The following CFAP44 variants were observed in gnomAD, a reference collection of about 807,000 sequenced individuals.
CFAP44 encodes cilia- and flagella-associated protein 44.
CFAP44 carries 134 observed loss-of-function variants against 216.2 expected under a neutral mutation model. That is an observed-to-expected ratio of 0.62 (90% CI 0.54 to 0.72). CFAP44 has a LOEUF of 0.72. Among genes scored for constraint, CFAP44 ranks in the 30% least tolerant of loss-of-function variants. CFAP44 has a pLI of 0.00. For missense variants in CFAP44, 2,035 were observed against 2,182.1 expected (o/e 0.93, Z 1.34); for synonymous variants, 700 against 727.6 (o/e 0.96, Z 0.61).
At chr3:113,391,279 T>TG (rs1307515596) in intron 15 of CFAP44, among the ~76,000 whole-genome samples, 6 of 152,196 alleles carry the variant, frequency 3.9e-5, no homozygotes, top group African/African-American at 7.2e-5. Context: ...TTGGAAAAAC[T>TG]GGATATCCAT....
chr3:113,402,510 T>C (rs1364064836), intron 9 of CFAP44, among the ~76,000 whole-genome samples: 1 of 152,198 alleles, frequency 6.6e-6, no homozygotes, highest in East Asian at 1.9e-4. Flanking sequence ...TCTGGCAACA[T>C]ACCCTGCCAT....
intron 28 of CFAP44, among the ~76,000 whole-genome samples, chr3:113,316,028 G>C (rs1329367102): frequency 6.6e-6 from 1 of 152,172 alleles, no homozygotes; most frequent in African/African-American, 2.4e-5. Context: ...CAAATACCAA[G>C]ATAGATCATA....
In CFAP44 at chr3:113,326,999, A is replaced by G. The variant is rs1576549494; in HGVS notation, c.4321-359T>C. 2.0e-5 allele frequency among the ~76,000 whole-genome samples: 3 copies of G among 152,150 alleles called. No homozygotes were observed. The South Asian group carries it at 6.2e-4, about 31-fold the overall frequency. On this transcript the variant is annotated intron_variant, in intron 27 of 34. Transcript: ENST00000393845. ...ACCAATGAATTTTTTGTATTGATATATAACTAAAACAAAGAGACATATAAT... is the reference window on the plus strand; with the variant it reads ...ACCAATGAATTTTTTGTATTGATATGTAACTAAAACAAAGAGACATATAAT...
chr3:113,302,819 C>G (rs1469690606), intron 32 of CFAP44, among the ~76,000 whole-genome samples: 1 of 144,410 alleles, frequency 6.9e-6, no homozygotes, highest in Admixed American at 6.8e-5. Flanking sequence ...AGACAAGTTA[C>G]AAACTAGAAG....
Position 113,366,246 on chromosome 3 carries a change from A to G in CFAP44, c.2508T>C (p.Asn836=), listed in dbSNP as rs1414308844. The G allele has an allele frequency of 1.9e-6, 3 of 1,613,902 alleles. No homozygotes were observed. The highest frequency in any genetic ancestry group is 2.5e-6 in the Non-Finnish European group (3 of 1,179,870). The stretch of plus-strand genomic sequence containing the variant: ...AACTGGTCAATGAAGGATCATTTTG[A>G]TTTAGGACATAGACTCGAATTGCTC... ...KNGAIRVYVL[N]QNDPSLTSLV... Residue 836 remains asparagine, a synonymous_variant, in exon 19 of 35, where the codon AAT becomes AAC. Transcript: ENST00000393845.
chr3:113,417,224 C>T (rs113058153), intron 5 of CFAP44: 4 of 152,288 alleles, frequency 2.6e-5, no homozygotes, highest in African/African-American at 7.2e-5. Context: ...GACCAGGTTA[C>T]ATCACAATTT....
At position 113,356,846 on chromosome 3, in the gene CFAP44, C is replaced by T. The variant is rs1236152603; in HGVS notation, c.3065+1899G>A. On this transcript the variant is annotated intron_variant, in intron 22 of 34. Coordinates refer to ENST00000393845, the MANE Select transcript of CFAP44 (RefSeq NM_001164496.2). ...GAAAAAACTTCTATTCAACAAACAACTCTATTAAGAGACTAAAGCCACATA... is the reference window on the plus strand; with the variant it reads ...GAAAAAACTTCTATTCAACAAACAATTCTATTAAGAGACTAAAGCCACATA... Among the ~76,000 whole-genome samples, 4 of 152,040 alleles carry T rather than the reference C, an allele frequency of 2.6e-5. 1 individual carries two copies. The highest frequency in any genetic ancestry group is 2.6e-4 in the Admixed American group (4 of 15,250).
intron 28 of CFAP44, among the ~76,000 whole-genome samples, chr3:113,318,053 T>A (rs1276722044): frequency 1.3e-5 from 2 of 152,088 alleles, no homozygotes; most frequent in Non-Finnish European, 2.9e-5. Context: ...CTGGTTTTTT[T>A]TTTTAACAGT....
chr3:113,391,590 C>A (rs538869928), intron 15 of CFAP44, among the ~76,000 whole-genome samples: 1 of 151,978 alleles, frequency 6.6e-6, no homozygotes, highest in Non-Finnish European at 1.5e-5. Flanking sequence ...GAATTAAATT[C>A]TCTAAATAAA....
In CFAP44 at chr3:113,326,558, T is replaced by A; in HGVS notation, c.4403A>T (p.Tyr1468Phe). 1.3e-6 allele frequency: 2 copies of A among 1,533,396 alleles called. No individual in the cohort carries two copies. The highest frequency in any genetic ancestry group is 8.7e-7 in the Non-Finnish European group (1 of 1,145,382). The allele number at this position is 1,533,396 out of a possible 1,614,324, so 95.0% of individuals were successfully genotyped here. ...TCCAATGGCTGCTTGAAAACCAGCA[T>A]AGAGTGCCTTTTCTTGCTCCTGGAG... Reference protein sequence around the residue: ...TKLQEQEKALYAGFQAAIGEN... With the variant: ...TKLQEQEKALFAGFQAAIGEN... The change falls in exon 28 of 35, where the codon TAT becomes TTT. Residue 1468 changes from tyrosine to phenylalanine, a missense_variant. Transcript: ENST00000393845.
chr3:113,362,980 C>T (rs939824996), intron 21 of CFAP44, 165 bp downstream of exon 21: 9 of 1,370,892 alleles, frequency 6.6e-6, no homozygotes, highest in Non-Finnish European at 8.4e-6. Flanking sequence ...GGATAAACCC[C>T]ACATACAAAT....
chr3:113,432,934 T>C (rs746523789), intron 2 of CFAP44, among the ~76,000 whole-genome samples: 4 of 152,232 alleles, frequency 2.6e-5, no homozygotes, highest in Non-Finnish European at 4.4e-5. Context: ...TTTAACTTTC[T>C]TGGAGGTGAA....
intron 7 of CFAP44, among the ~76,000 whole-genome samples, chr3:113,407,508 A>T (rs1027031378): frequency 9.9e-5 from 15 of 152,192 alleles, no homozygotes; most frequent in Non-Finnish European, 1.8e-4. Flanking sequence ...TAGAAGACAT[A>T]AAAGTTTTCC....
At position 113,327,634 on chromosome 3, in the gene CFAP44, T is replaced by C. The variant is rs1411539775; in HGVS notation, c.4302A>G (p.Lys1434=). ...CTCATACTTGCATGTACTGTTCCTC[T>C]TTGTCTAAGGAATTAACACGTTCTT... ...ILQERVNSLD[K]EEQYMQWKIN... Residue 1434 remains lysine (K), a synonymous_variant, in exon 27 of 35, where the codon AAA becomes AAG. Coordinates refer to ENST00000393845, the MANE Select transcript of CFAP44 (RefSeq NM_001164496.2). 12 of 1,536,834 alleles carry C rather than the reference T, an allele frequency of 7.8e-6. 1 individual carries two copies. The highest frequency in any genetic ancestry group is 1.7e-4 in the Middle Eastern group (1 of 5,986).
chr3:113,350,075 A>C (rs58825056), intron 22 of CFAP44, among the ~76,000 whole-genome samples: 5,438 of 152,298 alleles, frequency 0.036, 304 homozygotes, highest in African/African-American at 0.12. Flanking sequence ...AAACCCAACG[A>C]GGTGGCAGTC....
At chr3:113,386,779 C>T (rs78903538) in intron 15 of CFAP44, among the ~76,000 whole-genome samples, 10,973 of 152,242 alleles carry the variant, frequency 0.072, 448 homozygotes, top group East Asian at 0.15. Flanking sequence ...TTTAACTTTA[C>T]ATCACTGAAA....
rs903108295 is a variant in CFAP44 at position 113,287,910 on chromosome 3, G to A, written c.*3647C>T. ...ATACACCAACATTGCCAGAGTAGTT[G>A]ACTCACTAGTTTAAAATCAACATTT... On this transcript the variant is annotated 3_prime_UTR_variant, in exon 35 of 35. Coordinates refer to ENST00000393845, the MANE Select transcript of CFAP44 (RefSeq NM_001164496.2). The A allele has an allele frequency of 6.6e-6, 1 of 152,192 alleles. No homozygotes were observed. Among genetic ancestry groups the A allele is most frequent in the Non-Finnish European group, 1.5e-5 (1 of 68,046 alleles). The allele number at this position is 152,192 out of a possible 1,614,324, so 9.4% of individuals were successfully genotyped here.
At chr3:113,373,287 C>A (rs79686875) in intron 18 of CFAP44, 124 bp downstream of exon 18, 1 of 949,522 alleles carries the variant, frequency 1.1e-6, no homozygotes, top group Non-Finnish European at 1.4e-6. Context: ...TTTATTTAAC[C>A]AAATATTTTT....
chr3:113,403,631 G>C (rs887875244), intron 9 of CFAP44, among the ~76,000 whole-genome samples: 1 of 152,190 alleles, frequency 6.6e-6, no homozygotes, highest in Non-Finnish European at 1.5e-5. Flanking sequence ...AGAATAACAA[G>C]AGGCCCTCTC....
Sources: allele counts gnomAD v4.1 joint callset (sites outside exome capture counted in the v4.1 genomes callset), GRCh38; gene constraint gnomAD v4.1.1; transcripts MANE v1.5; gene names NCBI Gene and HGNC (gene_info 2026-07-23, HGNC 2026-07-21).